ADPRHL1: variants seen among roughly 807,000 people sequenced by gnomAD.
ADPRHL1 encodes ADP-ribosylhydrolase like 1, also known as inactive ADP-ribosyltransferase ARH2.
Under a neutral mutation model 44.1 loss-of-function variants are expected in ADPRHL1, and 43 were observed. The ratio of observed to expected loss-of-function variants is 0.98; its 90% CI spans 0.76 to 1.26. ADPRHL1 has a LOEUF of 1.26. Among genes scored for constraint, ADPRHL1 ranks in the 50% most tolerant of loss-of-function variants. ADPRHL1 has a pLI of 0.00. For missense variants in ADPRHL1, 2,022 were observed against 2,496.9 expected, an observed-to-expected ratio of 0.81 and a Z score of 4.05; for synonymous variants, 878 against 1,017.4, an observed-to-expected ratio of 0.86 and a Z score of 2.61.
chr13:113,444,460 T>C lies in ADPRHL1; in HGVS notation c.344A>G (p.Tyr115Cys), dbSNP rs577913936. 1.5e-5 allele frequency: 25 copies of C among 1,614,034 alleles called. No individual in the cohort carries two copies. The South Asian group carries it at 2.5e-4, about 16-fold the overall frequency. ...EGCAQLKPNN[Y>C]LLAWHTPFNE... ...GAACGGTGTGTGCCAGGCGAGAAGGTAGTTATTGGGCTTTAGCTGAGCACA... is the reference window on the plus strand; with the variant it reads ...GAACGGTGTGTGCCAGGCGAGAAGGCAGTTATTGGGCTTTAGCTGAGCACA... The change falls in exon 2 of 8, where the codon TAC becomes TGC. Residue 115 changes from tyrosine (Y) to cysteine (C), a missense_variant. Tyr to Cys is a radical substitution (Grantham distance 194, BLOSUM62 -2). Around this residue, in one of 8 missense-constraint regions of ADPRHL1, gnomAD observed 437 missense variants for 430.7 expected, o/e 1.01. Transcript: ENST00000612156.
intron 1 of ADPRHL1, among the ~76,000 whole-genome samples, chr13:113,452,614 A>C (rs112082321): frequency 2.0e-5 from 3 of 152,242 alleles, no homozygotes; most frequent in Admixed American, 6.5e-5. Flanking sequence ...GTATTTTAAG[A>C]AGCTTTGTCT....
chr13:113,407,205 C>G lies in ADPRHL1; in HGVS notation c.2077G>C (p.Val693Leu), dbSNP rs1197241379. The G allele has an allele frequency of 8.1e-7, 1 of 1,232,150 alleles. No individual in the cohort carries two copies. The highest frequency in any genetic ancestry group is 1.6e-5 in the African/African-American group (1 of 64,430). 76.3% of individuals were successfully genotyped at this position (1,232,150 alleles called of 1,614,324 possible). The change falls in exon 8 of 8, where the codon GTG becomes CTG. Residue 693 changes from valine (V) to leucine (L), a missense_variant. Around this residue, in one of 8 missense-constraint regions of ADPRHL1, gnomAD observed 1,221 missense variants for 1,517.8 expected, o/e 0.80. Transcript: ENST00000612156. ...PRPSKPVTPQ[V>L]MAQRDGHAVP... The stretch of plus-strand genomic sequence containing the variant: ...GCGTGGCCGTCCCTCTGAGCCATCA[C>G]CTGGGGTGTCACGGGCTTCGAGGGC...
At chr13:113,430,053 C>T (rs372713272) in intron 3 of ADPRHL1, among the ~76,000 whole-genome samples, 3 of 152,318 alleles carry the variant, frequency 2.0e-5, no homozygotes, top group African/African-American at 4.8e-5. Flanking sequence ...GTACTGAGCT[C>T]ACCCCGCAGT....
intron 7 of ADPRHL1, among the ~76,000 whole-genome samples, chr13:113,420,880 A>AC (rs1306596824): frequency 3.5e-5 from 2 of 56,374 alleles, no homozygotes; most frequent in African/African-American, 6.3e-5. Flanking sequence ...GGACCCGCCC[A>AC]CCCCCGGGAC....
rs189928511 is a variant in ADPRHL1, at chr13:113,444,420, C to G, written c.379+5G>C. 2.2e-4 allele frequency: 363 copies of G among 1,613,422 alleles called. 2 individuals carry two copies. The African/African-American group carries it at 4.4e-3, about 20-fold the overall frequency. ...TTTAGGGGGAGAGGAGAGGATTTCC[C>G]TGACCTTTTTCATTGAACGGTGTGT... On this transcript the variant is annotated splice_donor_5th_base_variant and intron_variant, in intron 2 of 7. Transcript: ENST00000612156.
chr13:113,429,069 C>A lies in ADPRHL1; in HGVS notation c.529G>T (p.Ala177Ser), dbSNP rs1310247236. ...TGTGCGGCGAACGACACAAACAGGG[C>A]CGTGCACAGGGAGCCCAGGAAGCCT... ...PTGFLGSLCT[A>S]LFVSFAAQGK... Residue 177 changes from alanine (A) to serine (S), a missense_variant, in exon 4 of 8, where the codon GCC (alanine) becomes TCC (serine). Physicochemically the swap from Ala to Ser is moderately conservative, Grantham distance 99. Coordinates refer to ENST00000612156, the MANE Select transcript of ADPRHL1 (RefSeq NM_001394807.1). The A allele has an allele frequency of 1.2e-6, 2 of 1,611,928 alleles. No individual in the cohort carries two copies. The highest frequency in any genetic ancestry group is 1.7e-6 in the Non-Finnish European group (2 of 1,179,700).
At chr13:113,414,387 C>G (rs114112358) in intron 7 of ADPRHL1, among the ~76,000 whole-genome samples, 3,375 of 151,516 alleles carry the variant, frequency 0.022, 123 homozygotes, top group African/African-American at 0.074. Context: ...AGCCGCCCCC[C>G]CTTCCTCCCC....
At chr13:113,421,954 C>T (rs1014750033) in intron 7 of ADPRHL1, 18 of 152,380 alleles carry the variant, frequency 1.2e-4, no homozygotes, top group African/African-American at 4.3e-4. Flanking sequence ...CATCAGTCAA[C>T]TGCTGTTTTA....
intron 7 of ADPRHL1, among the ~76,000 whole-genome samples, chr13:113,420,042 C>T (rs1218376900): frequency 6.6e-6 from 1 of 152,062 alleles, no homozygotes; most frequent in Non-Finnish European, 1.5e-5. Context: ...CGACCGTGAC[C>T]GTGTTATCTG....
chr13:113,449,690 G>A (rs535202805), intron 1 of ADPRHL1, among the ~76,000 whole-genome samples: 30 of 152,364 alleles, frequency 2.0e-4, no homozygotes, highest in Admixed American at 4.6e-4. Flanking sequence ...ACACAGCCCC[G>A]TGGCTCGTGG....
intron 1 of ADPRHL1, among the ~76,000 whole-genome samples, chr13:113,444,922 C>T (rs986730074): frequency 1.3e-5 from 2 of 152,186 alleles, no homozygotes; most frequent in Non-Finnish European, 2.9e-5. Flanking sequence ...TGCACCCAGC[C>T]CCACCGTGCC....
chr13:113,403,166 A>T lies in ADPRHL1; in HGVS notation c.*212T>A. On this transcript the variant is annotated 3_prime_UTR_variant, in exon 8 of 8. Coordinates refer to ENST00000612156, the MANE Select transcript of ADPRHL1 (RefSeq NM_001394807.1). Reference sequence around the variant, plus strand: ...CCACAGGCCCGCACCTCCCACCCCCATGGCCTCGTGGCTCTGTGGGGTGAC... The same window carrying T: ...CCACAGGCCCGCACCTCCCACCCCCTTGGCCTCGTGGCTCTGTGGGGTGAC... 2.6e-6 allele frequency: 1 copy of T among 390,528 alleles called. No homozygotes were observed. Among genetic ancestry groups the T allele is most frequent in the Non-Finnish European group, 4.4e-6 (1 of 226,706 alleles). 24.2% of individuals were successfully genotyped at this position (390,528 alleles called of 1,614,324 possible). A position where few individuals can be genotyped will look rare whatever the true frequency, so the allele number is the denominator to read the frequency against.
In ADPRHL1 at chr13:113,417,781, C is replaced by A. The variant is rs996658790; in HGVS notation, c.1061+5045G>T. 2.0e-5 allele frequency among the ~76,000 whole-genome samples: 3 copies of A among 152,392 alleles called. No homozygotes were observed. The East Asian group carries it at 5.8e-4, about 29-fold the overall frequency. ...AACCAGGGAAGCTTCTGTGTGTTAA[C>A]TGGAAATGCGTTTACACACGAGGGA... On this transcript the variant is annotated intron_variant, in intron 7 of 7. Coordinates refer to ENST00000612156, the MANE Select transcript of ADPRHL1 (RefSeq NM_001394807.1).
Position 113,405,039 on chromosome 13 carries a change from G to A in ADPRHL1, c.4243C>T (p.Gln1415Ter), listed in dbSNP as rs913539445. 11 of 1,232,580 alleles carry A rather than the reference G, an allele frequency of 8.9e-6. No individual in the cohort carries two copies. In the African/African-American group the frequency reaches 1.6e-4, roughly 17 times the overall value. 76.4% of individuals were successfully genotyped at this position (1,232,580 alleles called of 1,614,324 possible). Residue 1415 changes from glutamine (Q) to a stop codon, truncating the protein, a stop_gained, in exon 8 of 8, where the codon CAG (glutamine) becomes TAG (stop). Coordinates refer to ENST00000612156, the MANE Select transcript of ADPRHL1 (RefSeq NM_001394807.1). LOFTEE classifies it low-confidence loss of function (END_TRUNC). ...GCCAGATCCTGTGCCCACCATGTCT[G>A]AGGCTCTTTTGCTGGGTTCAGCACA... is the stretch of plus-strand genomic sequence containing the variant. ...KVVLNPAKEP[Q>*]TWWAQDLAGD...
rs2043817854 is a variant in ADPRHL1, at chr13:113,407,515, CTCCGGCCGGTGCA to C, written c.1754_1766del (p.Met585ArgfsTer101). On this transcript the variant is annotated frameshift_variant, in exon 8 of 8. Coordinates refer to ENST00000612156, the MANE Select transcript of ADPRHL1 (RefSeq NM_001394807.1). LOFTEE classifies it low-confidence loss of function (END_TRUNC). ...TGGTGGCCGTGTGCAGCACGCGCAC[CTCCGGCCGGTGCA>C]TCCTCTTCCTCTGCAGGTTCCTCTT... 1 of 1,232,230 alleles carries C rather than the reference CTCCGGCCGGTGCA, an allele frequency of 8.1e-7. No homozygotes were observed. Among genetic ancestry groups the C allele is most frequent in the African/African-American group, 1.5e-5 (1 of 64,550 alleles). The allele number at this position is 1,232,230 out of a possible 1,614,324, so 76.3% of individuals were successfully genotyped here.
intron 2 of ADPRHL1, among the ~76,000 whole-genome samples, chr13:113,443,556 C>A (rs746822141): frequency 2.7e-4 from 41 of 151,928 alleles, no homozygotes; most frequent in South Asian, 2.1e-4. Context: ...GAGGTCAAGG[C>A]TGCAGTGAGC....
intron 2 of ADPRHL1, among the ~76,000 whole-genome samples, chr13:113,440,295 C>T (rs1360447738): frequency 6.6e-6 from 1 of 152,288 alleles, no homozygotes; most frequent in Middle Eastern, 3.4e-3. Context: ...ACAGAGACAT[C>T]TAGGTTTGTT....
In ADPRHL1 at chr13:113,441,914, T is replaced by C. The variant is rs1679323030; in HGVS notation, c.379+2511A>G. ...GTGTGAGTCTGTGTCTCTATCACGC[T>C]TTACTCCACCGTGCTGGTCCGTGTC... On this transcript the variant is annotated intron_variant, in intron 2 of 7. Coordinates refer to ENST00000612156, the MANE Select transcript of ADPRHL1 (RefSeq NM_001394807.1). This position sits in a 1 kb window ranked among gnomAD's most constrained non-coding sequence, Gnocchi z 6.0. Among the ~76,000 whole-genome samples, 1 of 152,250 alleles carries C rather than the reference T, an allele frequency of 6.6e-6. No individual in the cohort carries two copies. The highest frequency in any genetic ancestry group is 2.4e-5 in the African/African-American group (1 of 41,472).
chr13:113,448,767 C>A (rs549192499), intron 1 of ADPRHL1, among the ~76,000 whole-genome samples: 1 of 152,216 alleles, frequency 6.6e-6, no homozygotes, highest in Admixed American at 6.5e-5. Context: ...TTCGGCCACA[C>A]GGGCCTGCAC....
Sources: allele counts gnomAD v4.1 joint callset (sites outside exome capture counted in the v4.1 genomes callset), GRCh38; gene constraint gnomAD v4.1.1; regional missense constraint gnomAD v4.1.1; non-coding constraint Gnocchi (gnomAD v3.1); transcripts MANE v1.5; gene names NCBI Gene and HGNC (gene_info 2026-07-23, HGNC 2026-07-21).